Variants in PCDHA10 observed in about 807,000 individuals in gnomAD.
PCDHA10 encodes the protein protocadherin alpha-10.
A neutral mutation model predicts 61.2 loss-of-function variants in PCDHA10; 45 were observed. The observed-to-expected ratio is 0.74, with a 90% CI of 0.58 to 0.94. The LOEUF is 0.94. Among genes scored for constraint, PCDHA10 ranks in the 40% least tolerant of loss-of-function variants. The probability of loss-of-function intolerance (pLI) is 0.00; values close to 1 mark genes in which losing one functional copy is unlikely to be tolerated. For missense variants in PCDHA10, 1,278 were observed against 1,236.2 expected (o/e 1.03, Z -0.51); for synonymous variants, 602 against 548.8 (o/e 1.10, Z -1.35).
At chr5:140,869,849 T>C in intron 1 of PCDHA10, 3 of 1,611,006 alleles carry the variant, frequency 1.9e-6, no homozygotes, top group African/African-American at 1.3e-5. Context: ...GAATATAAGG[T>C]GAGCCTTATG....
intron 1 of PCDHA10, among the ~76,000 whole-genome samples, chr5:140,973,724 G>T (rs1272606867): frequency 6.6e-6 from 1 of 152,176 alleles, no homozygotes; most frequent in Non-Finnish European, 1.5e-5. Context: ...CATCACATGG[G>T]CATCTGGTCT....
chr5:140,858,164 T>C lies in PCDHA10; in HGVS notation c.2116T>C (p.Ser706Pro). The change falls in exon 1 of 4, where the codon TCC becomes CCC. Residue 706 changes from serine (S) to proline (P), a missense_variant. Physicochemically the swap from Ser to Pro is moderately conservative, Grantham distance 74. Coordinates refer to ENST00000307360, the MANE Select transcript of PCDHA10 (RefSeq NM_018901.4). ...VYLIIAICAV[S>P]SLLVLTLLLY... ...CCTGATCATCGCCATCTGCGCGGTG[T>C]CCAGCTTGCTGGTGCTCACGCTGCT... 1 of 1,597,740 alleles carries C rather than the reference T, an allele frequency of 6.3e-7. No homozygotes were observed. Among genetic ancestry groups the C allele is most frequent in the Non-Finnish European group, 8.6e-7 (1 of 1,167,506 alleles).
At chr5:140,918,970 T>C (rs1217884686) in intron 1 of PCDHA10, among the ~76,000 whole-genome samples, 1 of 152,220 alleles carries the variant, frequency 6.6e-6, no homozygotes, top group Non-Finnish European at 1.5e-5. Flanking sequence ...CAGATATCGT[T>C]TAGGTTAGTT....
intron 1 of PCDHA10, chr5:140,870,016 G>T (rs1554163708): frequency 6.2e-7 from 1 of 1,613,566 alleles, no homozygotes; most frequent in African/African-American, 1.3e-5. Flanking sequence ...GAGGGTCAAT[G>T]GAACTTTAGA....
In PCDHA10 at chr5:141,010,888, T is replaced by C. The variant is rs1419215366; in HGVS notation, c.*951T>C. The stretch of plus-strand genomic sequence containing the variant: ...AGCTATAAATCTTTAAAGAGAAATA[T>C]GAATACAATTCCCCTAAACTCTCCT... On this transcript the variant is annotated 3_prime_UTR_variant, in exon 4 of 4. Transcript: ENST00000307360. The C allele has an allele frequency of 3.9e-5, 6 of 153,866 alleles. 1 individual carries two copies. The highest frequency in any genetic ancestry group is 1.4e-4 in the African/African-American group (6 of 41,562). The allele number at this position is 153,866 out of a possible 1,614,324, so 9.5% of individuals were successfully genotyped here. A position where few individuals can be genotyped will look rare whatever the true frequency, so the allele number is the denominator to read the frequency against.
intron 1 of PCDHA10, among the ~76,000 whole-genome samples, chr5:140,910,225 T>C (rs1194368347): frequency 6.6e-6 from 1 of 152,232 alleles, no homozygotes; most frequent in Non-Finnish European, 1.5e-5. Flanking sequence ...TTTCTGCTTA[T>C]ATAAATTAAA....
At chr5:140,887,982 A>T (rs1372528675) in intron 1 of PCDHA10, among the ~76,000 whole-genome samples, 1 of 152,180 alleles carries the variant, frequency 6.6e-6, no homozygotes, top group African/African-American at 2.4e-5. Flanking sequence ...AATTTATTTT[A>T]CATGTCTCCA....
At chr5:140,987,635 G>A (rs2097262928) in intron 3 of PCDHA10, among the ~76,000 whole-genome samples, 3 of 152,176 alleles carry the variant, frequency 2.0e-5, no homozygotes, top group Non-Finnish European at 4.4e-5. Context: ...ATGAGATAAT[G>A]CACACATATT....
intron 1 of PCDHA10, among the ~76,000 whole-genome samples, chr5:140,910,560 G>A (rs1369178001): frequency 6.6e-6 from 1 of 152,160 alleles, no homozygotes; most frequent in East Asian, 1.9e-4. Flanking sequence ...ATTAGTCAAG[G>A]ATATATTTTC....
At chr5:140,863,157 C>A (rs782159779) in intron 1 of PCDHA10, 7 of 638,840 alleles carry the variant, frequency 1.1e-5, no homozygotes, top group South Asian at 5.4e-5. Flanking sequence ...AGGACCACTG[C>A]GAGCTGGCGC....
chr5:140,968,521 C>G, intron 1 of PCDHA10: 1 of 1,614,180 alleles, frequency 6.2e-7, no homozygotes, highest in Non-Finnish European at 8.5e-7. Context: ...CTACCTCAAC[C>G]AACTCGTCAG....
At chr5:140,978,881 A>G in intron 1 of PCDHA10, 68 bp from the exon 2 acceptor site, 1 of 1,610,922 alleles carries the variant, frequency 6.2e-7, no homozygotes, top group Non-Finnish European at 8.5e-7. Flanking sequence ...TAACTAATCA[A>G]TTAGCAGCAT....
chr5:140,967,786 G>A, intron 1 of PCDHA10: 1 of 1,614,216 alleles, frequency 6.2e-7, no homozygotes, highest in East Asian at 2.2e-5. Context: ...CGACTGACCG[G>A]GGTCCAGTGC....
At chr5:140,929,207 G>C (rs782298445) in intron 1 of PCDHA10, 2 of 1,613,988 alleles carry the variant, frequency 1.2e-6, no homozygotes, top group Admixed American at 1.7e-5. Context: ...TTGCTGTTGC[G>C]TGGGGAGTAC....
intron 1 of PCDHA10, among the ~76,000 whole-genome samples, chr5:140,897,816 G>C (rs1305259522): frequency 1.1e-4 from 16 of 152,078 alleles, no homozygotes; most frequent in Non-Finnish European, 1.9e-4. Flanking sequence ...CAGTGTAAAA[G>C]TGTTCCTATT....
At chr5:140,975,553 G>T (rs990389718) in intron 1 of PCDHA10, among the ~76,000 whole-genome samples, 2 of 152,226 alleles carry the variant, frequency 1.3e-5, no homozygotes, top group Non-Finnish European at 2.9e-5. Context: ...TATTAGGAAG[G>T]AAAAGGAGAT....
intron 1 of PCDHA10, chr5:140,884,562 A>G (rs782650365): frequency 3.1e-6 from 5 of 1,614,166 alleles, no homozygotes; most frequent in Admixed American, 1.7e-5. Flanking sequence ...GAGGGCCCGC[A>G]TAAGACGGAC....
Position 140,929,116 on chromosome 5 carries a change from A to G in PCDHA10, c.2389-49833A>G, listed in dbSNP as rs535394812. The G allele has an allele frequency of 2.9e-5, 47 of 1,614,170 alleles. No homozygotes were observed. The East Asian group carries it at 8.9e-4, about 31-fold the overall frequency. Reference sequence around the variant, plus strand: ...AAATCCTTGCATGACATCAGCCACCATAGATGTCACTACAGTTGAGAGACT... The same window carrying G: ...AAATCCTTGCATGACATCAGCCACCGTAGATGTCACTACAGTTGAGAGACT... On this transcript the variant is annotated intron_variant, in intron 1 of 3. Coordinates refer to ENST00000307360, the MANE Select transcript of PCDHA10 (RefSeq NM_018901.4).
intron 1 of PCDHA10, among the ~76,000 whole-genome samples, chr5:140,951,147 AATATAGT>A (rs1554219760): frequency 9.9e-6 from 1 of 100,716 alleles, no homozygotes; most frequent in African/African-American, 4.8e-5. Flanking sequence ...TATCTTATTG[AATATAGT>A]TATAGTAGCT....
Sources: allele counts gnomAD v4.1 joint callset (sites outside exome capture counted in the v4.1 genomes callset), GRCh38; gene constraint gnomAD v4.1.1; transcripts MANE v1.5; gene names NCBI Gene and HGNC (gene_info 2026-07-23, HGNC 2026-07-21).